Variants in ZNF385C observed in about 807,000 individuals in gnomAD.
ZNF385C encodes the protein zinc finger protein 385C, also known as CTD-2132N18.2.
In ZNF385C, 28 loss-of-function variants were observed where a neutral mutation model predicts 35.4. The observed-to-expected ratio is 0.79, with a 90% CI of 0.59 to 1.08. The LOEUF (loss-of-function observed/expected upper bound fraction) is 1.08. Among genes scored for constraint, ZNF385C ranks in the 50% least tolerant of loss-of-function variants. The pLI, the probability that ZNF385C is intolerant of heterozygous loss-of-function variation, is 0.00. For synonymous variants in ZNF385C, 248 were observed against 248.2 expected (o/e 1.00, Z 0.01); for missense variants, 605 against 595.6 (o/e 1.02, Z -0.16).
intron 1 of ZNF385C, among the ~76,000 whole-genome samples, chr17:42,067,023 C>T (rs925194915): frequency 5.3e-4 from 81 of 151,914 alleles, no homozygotes; most frequent in African/African-American, 1.7e-3. Context: ...GAGTCGAGAT[C>T]GTGCCATGGC....
intron 1 of ZNF385C, among the ~76,000 whole-genome samples, chr17:42,085,574 CCAAGCTGGGCCTCTG>C (rs1555660061): frequency 1.3e-5 from 2 of 150,116 alleles, no homozygotes; most frequent in Non-Finnish European, 3.0e-5. Context: ...GTGTGAGCCG[CCAAGCTGGGCCTCTG>C]CAAAACATTT....
chr17:42,054,739 G>A (rs1240145606), intron 2 of ZNF385C, among the ~76,000 whole-genome samples: 3 of 151,996 alleles, frequency 2.0e-5, no homozygotes, highest in African/African-American at 7.3e-5. Context: ...CTGCCACCAT[G>A]CCCAGCTAAT....
At chr17:42,077,526 G>T (rs954410772) in intron 1 of ZNF385C, among the ~76,000 whole-genome samples, 1 of 152,186 alleles carries the variant, frequency 6.6e-6, no homozygotes, top group Non-Finnish European at 1.5e-5. Flanking sequence ...TGCTCCTGGG[G>T]CCTTTCCCAA....
At chr17:42,072,840 G>A (rs2053644433) in intron 1 of ZNF385C, among the ~76,000 whole-genome samples, 1 of 152,186 alleles carries the variant, frequency 6.6e-6, no homozygotes, top group African/African-American at 2.4e-5. Flanking sequence ...TGCGCGCACG[G>A]GTGAGTATCC....
At chr17:42,040,737 G>C in intron 2 of ZNF385C, 1 of 1,232,390 alleles carries the variant, frequency 8.1e-7, no homozygotes. Flanking sequence ...GGAGCTCAGG[G>C]ACCAAGTGGG....
In ZNF385C at chr17:42,095,801, G is replaced by C. The variant is rs1464771849; in HGVS notation, c.-3+2609C>G. Among the ~76,000 whole-genome samples the C allele has an allele frequency of 6.6e-6, 1 of 152,120 alleles. No individual in the cohort carries two copies. Among genetic ancestry groups the C allele is most frequent in the Admixed American group, 6.5e-5 (1 of 15,276 alleles). ...CTCTACTGGGGGACAGGGAGAGTGGGGAAGGAATTAACCAAATGGCAGCTG... is the reference window on the plus strand; with the variant it reads ...CTCTACTGGGGGACAGGGAGAGTGGCGAAGGAATTAACCAAATGGCAGCTG... On this transcript the variant is annotated intron_variant, in intron 1 of 8. Coordinates refer to ENST00000692273, the MANE Select transcript of ZNF385C (RefSeq NM_001392013.1). The surrounding 1 kb of genome is among the most constrained non-coding windows in gnomAD (Gnocchi z 4.4).
intron 1 of ZNF385C, among the ~76,000 whole-genome samples, chr17:42,064,118 A>ACC (rs1491216367): frequency 7.4e-6 from 1 of 135,348 alleles, no homozygotes; most frequent in African/African-American, 2.8e-5. Flanking sequence ...ACACACACAC[A>ACC]CTTTCTGTCT....
intron 1 of ZNF385C, among the ~76,000 whole-genome samples, chr17:42,088,567 C>T (rs1295529838): frequency 6.6e-6 from 1 of 152,250 alleles, no homozygotes; most frequent in Non-Finnish European, 1.5e-5. Context: ...TCCCTTCCAT[C>T]CCCCACCCCA....
chr17:42,059,621 G>GT (rs71370589), intron 2 of ZNF385C, among the ~76,000 whole-genome samples: 35 of 151,322 alleles, frequency 2.3e-4, no homozygotes, highest in African/African-American at 6.8e-4. Flanking sequence ...TTTTGTTGTT[G>GT]TTGTTTGTTT....
At chr17:42,074,970 C>T (rs2053668861) in intron 1 of ZNF385C, among the ~76,000 whole-genome samples, 1 of 152,168 alleles carries the variant, frequency 6.6e-6, no homozygotes. Context: ...ACAAGATGGC[C>T]CATTCCACTA....
chr17:42,063,438 G>T (rs2053495734), intron 1 of ZNF385C, among the ~76,000 whole-genome samples: 1 of 152,178 alleles, frequency 6.6e-6, no homozygotes, highest in African/African-American at 2.4e-5. Flanking sequence ...TGATGCAGGA[G>T]AATCACTTGA....
chr17:42,052,892 G>T (rs1195193612), intron 2 of ZNF385C, among the ~76,000 whole-genome samples: 2 of 152,116 alleles, frequency 1.3e-5, no homozygotes, highest in Non-Finnish European at 2.9e-5. Context: ...CAGACAATAG[G>T]GTCCTCCCAG....
intron 2 of ZNF385C, among the ~76,000 whole-genome samples, chr17:42,045,330 C>T (rs2053135668): frequency 6.6e-6 from 1 of 152,270 alleles, no homozygotes; most frequent in Non-Finnish European, 1.5e-5. Flanking sequence ...GGATTACAGG[C>T]GTGCGCCACC....
At chr17:42,027,818 A>G in intron 7 of ZNF385C, 90 bp from the exon 8 acceptor site, 1 of 1,361,606 alleles carries the variant, frequency 7.3e-7, no homozygotes, top group Non-Finnish European at 1.0e-6. Flanking sequence ...TCCTCTATCC[A>G]CAGCTCATAC....
rs1304223067 is a variant in ZNF385C at position 42,028,833 on chromosome 17, G to A, written c.917C>T (p.Thr306Met). 2.9e-5 allele frequency: 45 copies of A among 1,550,476 alleles called. No homozygotes were observed. The highest frequency in any genetic ancestry group is 4.9e-5 in the East Asian group (2 of 40,936). The change falls in exon 6 of 9, where the codon ACG becomes ATG. Residue 306 changes from threonine to methionine, a missense_variant. Coordinates refer to ENST00000692273, the MANE Select transcript of ZNF385C (RefSeq NM_001392013.1). ...GGCCGAGTTCACTGTCACCTTACACGTGGGGCAGTAGAGGTGCCCCTTCTC... is the reference window on the plus strand; with the variant it reads ...GGCCGAGTTCACTGTCACCTTACACATGGGGCAGTAGAGGTGCCCCTTCTC... ...RSEKGHLYCP[T>M]CKVTVNSASQ...
At chr17:42,091,073 G>C (rs1385340980) in intron 1 of ZNF385C, among the ~76,000 whole-genome samples, 1 of 152,174 alleles carries the variant, frequency 6.6e-6, no homozygotes, top group Admixed American at 6.5e-5. Context: ...GGCTGGGACA[G>C]GGTAGAGACA....
chr17:42,028,503 A>G (rs2052649583), intron 6 of ZNF385C: 1 of 586,544 alleles, frequency 1.7e-6, no homozygotes, highest in African/African-American at 1.9e-5. Context: ...TTCTGGGTGT[A>G]ATCTAAGGAG....
intron 1 of ZNF385C, among the ~76,000 whole-genome samples, chr17:42,077,109 C>T (rs1555659320): frequency 6.6e-6 from 1 of 152,208 alleles, no homozygotes; most frequent in Non-Finnish European, 1.5e-5. Context: ...CAGTGCCTGA[C>T]ACACAGAAAG....
At chr17:42,069,376 G>A (rs1046004125) in intron 1 of ZNF385C, among the ~76,000 whole-genome samples, 5 of 152,148 alleles carry the variant, frequency 3.3e-5, no homozygotes, top group Non-Finnish European at 7.3e-5. Context: ...GGGGTCCTTG[G>A]CCACCGTGAG....
Sources: gnomAD v4.1 joint callset for allele counts (sites outside exome capture counted in the v4.1 genomes callset) on GRCh38, gnomAD v4.1.1 for gene constraint, Gnocchi (gnomAD v3.1) non-coding constraint, MANE v1.5 for transcripts, NCBI Gene and HGNC (gene_info 2026-07-23, HGNC 2026-07-21) for gene names.